The following STK39 variants were observed in gnomAD, a reference collection of about 807,000 sequenced individuals.
STK39 encodes serine/threonine kinase 39.
STK39 carries 20 observed loss-of-function variants against 77.8 expected under a neutral mutation model. That is an observed-to-expected ratio of 0.26 (90% confidence interval 0.18 to 0.37). The LOEUF (loss-of-function observed/expected upper bound fraction) is 0.37. Among genes scored for constraint, STK39 ranks in the 10% least tolerant of loss-of-function variants. The pLI is 1.00. For synonymous variants in STK39, 246 were observed against 234.1 expected (o/e 1.05, Z -0.47); for missense variants, 479 against 656.5 (o/e 0.73, Z 2.95).
intron 17 of STK39, among the ~76,000 whole-genome samples, chr2:167,958,123 A>G (rs936155076): frequency 3.3e-5 from 5 of 152,172 alleles, no homozygotes; most frequent in African/African-American, 1.2e-4. Context: ...CCTTCAAAAC[A>G]GCAATGTTCA....
chr2:168,242,997 CA>C, intron 1 of STK39, among the ~76,000 whole-genome samples: 1 of 151,178 alleles, frequency 6.6e-6, no homozygotes, highest in Admixed American at 6.6e-5. Context: ...TGTCTTGAGA[CA>C]AAGCATTTCA....
chr2:168,236,945 A>G (rs1269094512), intron 1 of STK39, among the ~76,000 whole-genome samples: 1 of 152,112 alleles, frequency 6.6e-6, no homozygotes, highest in Non-Finnish European at 1.5e-5. Context: ...TTTTGGTTCC[A>G]TATGAACTTT....
chr2:168,241,982 C>T (rs971586238), intron 1 of STK39, among the ~76,000 whole-genome samples: 1 of 152,194 alleles, frequency 6.6e-6, no homozygotes, highest in Non-Finnish European at 1.5e-5. Context: ...GCCGGCACTG[C>T]TGCAACTTAT....
At chr2:168,029,140 C>T (rs932908992) in intron 14 of STK39, among the ~76,000 whole-genome samples, 14 of 152,110 alleles carry the variant, frequency 9.2e-5, no homozygotes, top group Admixed American at 6.5e-5. Flanking sequence ...TATAACTGAA[C>T]ATTTTGTTGT....
At chr2:168,177,229 C>A (rs930746110) in intron 2 of STK39, among the ~76,000 whole-genome samples, 1 of 152,054 alleles carries the variant, frequency 6.6e-6, no homozygotes, top group African/African-American at 2.4e-5. Flanking sequence ...AACGTAATCA[C>A]TTAATTATTT....
chr2:168,027,317 C>T (rs1574403839), intron 14 of STK39, among the ~76,000 whole-genome samples: 1 of 152,158 alleles, frequency 6.6e-6, no homozygotes, highest in Admixed American at 6.5e-5. Flanking sequence ...AAACCCTTGC[C>T]CTTACATTTA....
At chr2:168,114,629 G>A (rs1813141) in intron 10 of STK39, among the ~76,000 whole-genome samples, 92,643 of 151,984 alleles carry the variant, frequency 0.61, 28,805 homozygotes, top group South Asian at 0.74. Context: ...CAATGCAATG[G>A]TTCAGGAAAA....
intron 1 of STK39, among the ~76,000 whole-genome samples, chr2:168,193,004 A>C (rs569218999): frequency 6.6e-6 from 1 of 152,306 alleles, no homozygotes; most frequent in South Asian, 2.1e-4. Context: ...GCACAGAGAA[A>C]ATTATGCCAG....
At chr2:168,179,318 T>C (rs1030298970) in intron 2 of STK39, among the ~76,000 whole-genome samples, 3 of 152,232 alleles carry the variant, frequency 2.0e-5, no homozygotes, top group East Asian at 1.9e-4. Context: ...ACAGCAACTG[T>C]GCTCCACACG....
At chr2:168,230,229 CCTTT>C (rs1690419730) in intron 1 of STK39, among the ~76,000 whole-genome samples, 2 of 152,158 alleles carry the variant, frequency 1.3e-5, no homozygotes, top group Non-Finnish European at 1.5e-5. Context: ...AAATCTATCT[CCTTT>C]CCCTTTGAAT....
At position 168,247,356 on chromosome 2, in the gene STK39, G is replaced by A; in HGVS notation, c.80C>T (p.Ala27Val). The change falls in exon 1 of 18, where the codon GCC (alanine) becomes GTC (valine). Residue 27 changes from alanine to valine, a missense_variant. By Grantham distance (64) the Ala-to-Val change is moderately conservative (BLOSUM62 0). Transcript: ENST00000355999. ...CGGCGCTGCTGTCGCGGCCGCCGGG[G>A]CCGCCGCCGCCGCCGCTGTCACCGG... is the stretch of plus-strand genomic sequence containing the variant. ...AAPVTAAAAA[A>V]PAAATAAPAP... 2 of 975,366 alleles carry A rather than the reference G, an allele frequency of 2.1e-6. No individual in the cohort carries two copies. Among genetic ancestry groups the A allele is most frequent in the Non-Finnish European group, 2.5e-6 (2 of 805,282 alleles). The allele number at this position is 975,366 out of a possible 1,614,324, so 60.4% of individuals were successfully genotyped here.
At chr2:168,245,284 C>A (rs1172864201) in intron 1 of STK39, among the ~76,000 whole-genome samples, 1 of 152,202 alleles carries the variant, frequency 6.6e-6, no homozygotes, top group Non-Finnish European at 1.5e-5. Context: ...GTCACTCCCT[C>A]CTTCGGGCTC....
intron 10 of STK39, among the ~76,000 whole-genome samples, chr2:168,092,523 A>G (rs1364736439): frequency 6.6e-6 from 1 of 152,264 alleles, no homozygotes; most frequent in Non-Finnish European, 1.5e-5. Context: ...AAAACAAACA[A>G]GAAATAACAT....
intron 4 of STK39, among the ~76,000 whole-genome samples, chr2:168,162,688 C>T (rs7579390): frequency 0.28 from 42,601 of 151,986 alleles, 6,900 homozygotes; most frequent in East Asian, 0.56. Flanking sequence ...AAAATGACAA[C>T]TTGCAATTTA....
At chr2:167,984,476 G>C (rs1024388362) in intron 16 of STK39, among the ~76,000 whole-genome samples, 1 of 152,166 alleles carries the variant, frequency 6.6e-6, no homozygotes, top group African/African-American at 2.4e-5. Context: ...GCACTGAAGC[G>C]GTCCAGCATG....
chr2:168,207,972 GATCA>G (rs1259226748), intron 1 of STK39, among the ~76,000 whole-genome samples: 6 of 152,168 alleles, frequency 3.9e-5, no homozygotes, highest in Non-Finnish European at 5.9e-5. Flanking sequence ...GGAAAGGCAA[GATCA>G]GAGAGGAAGA....
intron 10 of STK39, among the ~76,000 whole-genome samples, chr2:168,101,963 A>C (rs931277897): frequency 6.6e-6 from 1 of 151,974 alleles, no homozygotes; most frequent in Non-Finnish European, 1.5e-5. Flanking sequence ...CACCAGCCCT[A>C]GGCAACCATT....
intron 16 of STK39, among the ~76,000 whole-genome samples, chr2:168,011,582 GGT>G (rs1039665242): frequency 6.6e-6 from 1 of 152,086 alleles, no homozygotes; most frequent in African/African-American, 2.4e-5. Context: ...CCTCACCCTA[GGT>G]GGAACCAGGC....
chr2:167,985,268 T>C (rs1021625054), intron 16 of STK39, among the ~76,000 whole-genome samples: 14 of 152,212 alleles, frequency 9.2e-5, no homozygotes, highest in African/African-American at 3.1e-4. Context: ...AGAGTTATTA[T>C]TGCAAAGAAG....
Sources: gnomAD v4.1 joint callset for allele counts (sites outside exome capture counted in the v4.1 genomes callset) on GRCh38, gnomAD v4.1.1 for gene constraint, MANE v1.5 for transcripts, NCBI Gene and HGNC (gene_info 2026-07-23, HGNC 2026-07-21) for gene names.